Variants in TNFRSF11B observed in about 807,000 individuals in gnomAD.
TNFRSF11B encodes TNF receptor superfamily member 11b.
A neutral mutation model predicts 43.4 loss-of-function variants in TNFRSF11B; 16 were observed. That is an observed-to-expected ratio of 0.37 (90% CI 0.25 to 0.56). The LOEUF is 0.56. TNFRSF11B is among the 20% of genes least tolerant of loss of function. The pLI is 0.80. For missense variants in TNFRSF11B, 444 were observed against 490.1 expected (o/e 0.91, Z 0.89); for synonymous variants, 185 against 181.8 (o/e 1.02, Z -0.14).
At chr8:118,938,918 G>C (rs1446634364) in intron 1 of TNFRSF11B, among the ~76,000 whole-genome samples, 2 of 152,174 alleles carry the variant, frequency 1.3e-5, no homozygotes, top group Non-Finnish European at 2.9e-5. Context: ...TGACACAGTG[G>C]GTTTCCATTT....
Position 118,926,621 on chromosome 8 carries a change from G to C in TNFRSF11B, c.690C>G (p.Thr230=), listed in dbSNP as rs769545395. 1 of 1,613,998 alleles carries C rather than the reference G, an allele frequency of 6.2e-7. No homozygotes were observed. The highest frequency in any genetic ancestry group is 1.7e-5 in the Admixed American group (1 of 59,994). Residue 230 remains threonine (T), a synonymous_variant, in exon 4 of 5, where the codon ACC becomes ACG. Coordinates refer to ENST00000297350, the MANE Select transcript of TNFRSF11B (RefSeq NM_002546.4). ...TCTCTACACTCTCTGCGTTTACTTT[G>C]GTGCCAGGCAAATTGTCTACCAAGA... ...LSVLVDNLPG[T]KVNAESVERI...
At chr8:118,943,829 C>T (rs977405885) in intron 1 of TNFRSF11B, among the ~76,000 whole-genome samples, 2 of 152,054 alleles carry the variant, frequency 1.3e-5, no homozygotes, top group African/African-American at 4.8e-5. Context: ...AAGCATGATC[C>T]CTGTTTGGTT....
intron 1 of TNFRSF11B, among the ~76,000 whole-genome samples, chr8:118,942,584 T>A (rs1320222251): frequency 6.6e-6 from 1 of 152,100 alleles, no homozygotes; most frequent in Non-Finnish European, 1.5e-5. Context: ...AAATAATAGC[T>A]TAGTATACTC....
chr8:118,943,009 G>C (rs535944587), intron 1 of TNFRSF11B, among the ~76,000 whole-genome samples: 1 of 151,952 alleles, frequency 6.6e-6, no homozygotes, highest in East Asian at 1.9e-4. Context: ...ACTCATACTG[G>C]TGAATAAATG....
intron 2 of TNFRSF11B, among the ~76,000 whole-genome samples, chr8:118,931,146 A>G (rs771879330): frequency 4.6e-5 from 7 of 152,212 alleles, no homozygotes; most frequent in Non-Finnish European, 7.3e-5. Context: ...AGAGGAGACA[A>G]TCTGATTTCA....
chr8:118,936,672 A>T (rs1429310022), intron 1 of TNFRSF11B, among the ~76,000 whole-genome samples: 2 of 151,848 alleles, frequency 1.3e-5, no homozygotes, highest in East Asian at 3.9e-4. Context: ...CAGACCCTTG[A>T]TGAGCATCTG....
In TNFRSF11B at chr8:118,932,933, G is replaced by C. The variant is rs756316405; in HGVS notation, c.398C>G (p.Ala133Gly). Reference protein sequence around the residue: ...SCPPGFGVVQAGTPERNTVCK... With the variant: ...SCPPGFGVVQGGTPERNTVCK... ...TTTTGCTGCACATTGACACGTACCA[G>C]CTTGCACCACTCCAAATCCAGGAGG... The change falls in exon 2 of 5, where the codon GCT (alanine) becomes GGT (glycine). Residue 133 changes from alanine (A) to glycine (G), a missense_variant and splice_region_variant. Ala to Gly is a moderately conservative substitution (Grantham distance 60, BLOSUM62 0). Coordinates refer to ENST00000297350, the MANE Select transcript of TNFRSF11B (RefSeq NM_002546.4). 6.2e-7 allele frequency: 1 copy of C among 1,614,134 alleles called. No homozygotes were observed. Among genetic ancestry groups the C allele is most frequent in the South Asian group, 1.1e-5 (1 of 91,086 alleles).
At chr8:118,927,551 A>ATTTTT (rs10675780) in intron 3 of TNFRSF11B, among the ~76,000 whole-genome samples, 131 of 136,194 alleles carry the variant, frequency 9.6e-4, no homozygotes, top group African/African-American at 3.2e-3. Context: ...CCCTTCCTTC[A>ATTTTT]TTTTTTTTTT....
chr8:118,930,402 T>C (rs551423791), intron 2 of TNFRSF11B: 2 of 155,024 alleles, frequency 1.3e-5, no homozygotes, highest in South Asian at 3.9e-4. Context: ...AAGAATCTTT[T>C]TTGGGGGGAA....
chr8:118,950,559 C>G (rs1812627574), intron 1 of TNFRSF11B, among the ~76,000 whole-genome samples: 1 of 152,172 alleles, frequency 6.6e-6, no homozygotes, highest in South Asian at 2.1e-4. Flanking sequence ...GATCTGTGTG[C>G]TAGCTCACAA....
At chr8:118,942,497 A>T (rs1418877263) in intron 1 of TNFRSF11B, among the ~76,000 whole-genome samples, 1 of 152,130 alleles carries the variant, frequency 6.6e-6, no homozygotes, top group East Asian at 1.9e-4. Context: ...ACAGAATTCA[A>T]GCTAAACCTG....
intron 1 of TNFRSF11B, among the ~76,000 whole-genome samples, chr8:118,947,755 C>T (rs1327980448): frequency 6.6e-6 from 1 of 152,148 alleles, no homozygotes; most frequent in African/African-American, 2.4e-5. Flanking sequence ...CTGTTTAAAA[C>T]TCTAGCAACA....
At chr8:118,941,581 G>A (rs1347734835) in intron 1 of TNFRSF11B, among the ~76,000 whole-genome samples, 1 of 152,014 alleles carries the variant, frequency 6.6e-6, no homozygotes, top group East Asian at 1.9e-4. Flanking sequence ...TTGTCTGAAG[G>A]CTTTTAAATT....
In TNFRSF11B at chr8:118,928,728, A is replaced by C. The variant is rs761294395; in HGVS notation, c.592+10T>G. 5.0e-6 allele frequency: 8 copies of C among 1,613,862 alleles called. No individual in the cohort carries two copies. The highest frequency in any genetic ancestry group is 5.9e-6 in the Non-Finnish European group (7 of 1,179,720). ...AAATCGTACAAAGACGTATTTTGGA[A>C]TGTAATTACCTATTCCACATTTTTG... On this transcript the variant is annotated intron_variant, in intron 3 of 4. Transcript: ENST00000297350.
chr8:118,942,874 A>G (rs1354193881), intron 1 of TNFRSF11B, among the ~76,000 whole-genome samples: 2 of 152,090 alleles, frequency 1.3e-5, no homozygotes, highest in Non-Finnish European at 2.9e-5. Flanking sequence ...GGTCAACTGC[A>G]ACACAAAACT....
intron 1 of TNFRSF11B, among the ~76,000 whole-genome samples, chr8:118,934,162 G>A (rs1812369863): frequency 6.6e-6 from 1 of 152,094 alleles, no homozygotes; most frequent in African/African-American, 2.4e-5. Flanking sequence ...AAGAGTTGGT[G>A]ATATGCGAAG....
chr8:118,937,674 C>T (rs1164556966), intron 1 of TNFRSF11B, among the ~76,000 whole-genome samples: 1 of 151,990 alleles, frequency 6.6e-6, no homozygotes, highest in Admixed American at 6.6e-5. Flanking sequence ...TTTCCCTTAC[C>T]CTCCAAATAA....
At chr8:118,946,124 T>G (rs1433949976) in intron 1 of TNFRSF11B, among the ~76,000 whole-genome samples, 2 of 152,146 alleles carry the variant, frequency 1.3e-5, no homozygotes, top group Non-Finnish European at 2.9e-5. Flanking sequence ...CATTTCCTCT[T>G]GCATCCTCTA....
At position 118,926,660 on chromosome 8, in the gene TNFRSF11B, A is replaced by G; in HGVS notation, c.651T>C (p.Pro217=). ...FRFAVPTKFT[P]NWLSVLVDNL... ...TGTCTACCAAGACACTAAGCCAGTT[A>G]GGCGTAAACTTTGTAGGAACAGCAA... The change falls in exon 4 of 5, where the codon CCT becomes CCC. Residue 217 remains proline (P), a synonymous_variant. Coordinates refer to ENST00000297350, the MANE Select transcript of TNFRSF11B (RefSeq NM_002546.4). 2 of 1,614,106 alleles carry G rather than the reference A, an allele frequency of 1.2e-6. No individual in the cohort carries two copies. Among genetic ancestry groups the G allele is most frequent in the Non-Finnish European group, 1.7e-6 (2 of 1,179,998 alleles).
Sources: gnomAD v4.1 joint callset for allele counts (sites outside exome capture counted in the v4.1 genomes callset) on GRCh38, gnomAD v4.1.1 for gene constraint, MANE v1.5 for transcripts, NCBI Gene and HGNC (gene_info 2026-07-23, HGNC 2026-07-21) for gene names.